SEC22A: variants seen among roughly 807,000 people sequenced by gnomAD.
SEC22A encodes vesicle-trafficking protein SEC22a.
A neutral mutation model predicts 35.3 loss-of-function variants in SEC22A; 22 were observed. That is an observed-to-expected ratio of 0.62 (90% confidence interval 0.45 to 0.89). The LOEUF is 0.89. Among genes scored for constraint, SEC22A ranks in the 40% least tolerant of loss-of-function variants. The probability of loss-of-function intolerance (pLI) is 0.00; values close to 1 mark genes in which losing one functional copy is unlikely to be tolerated. For missense variants in SEC22A, 354 were observed against 362.5 expected (o/e 0.98, Z 0.19); for synonymous variants, 119 against 129.5 (o/e 0.92, Z 0.55).
At chr3:123,203,209 G>A (rs73856875) in intron 1 of SEC22A, among the ~76,000 whole-genome samples, 2,037 of 151,544 alleles carry the variant, frequency 0.013, 51 homozygotes, top group African/African-American at 0.046. Context: ...AATTGGGCCT[G>A]AGTTTAAATC....
chr3:123,202,564 A>ATG (rs1936767753), intron 1 of SEC22A, among the ~76,000 whole-genome samples: 1 of 152,234 alleles, frequency 6.6e-6, no homozygotes, highest in Non-Finnish European at 1.5e-5. Flanking sequence ...TTTGGGAACG[A>ATG]TGTGGCAGAA....
chr3:123,220,166 T>A (rs1432317702), intron 2 of SEC22A, among the ~76,000 whole-genome samples: 1 of 152,192 alleles, frequency 6.6e-6, no homozygotes, highest in Non-Finnish European at 1.5e-5. Context: ...GTCATGTAGG[T>A]GTCTGTGGCT....
chr3:123,264,548 C>T (rs1937977875), intron 6 of SEC22A, among the ~76,000 whole-genome samples: 1 of 151,472 alleles, frequency 6.6e-6, no homozygotes, highest in Non-Finnish European at 1.5e-5. Flanking sequence ...CGTTGTTTAA[C>T]ATCATTAGCT....
chr3:123,205,416 C>T (rs895608607), intron 1 of SEC22A, among the ~76,000 whole-genome samples: 7 of 152,130 alleles, frequency 4.6e-5, no homozygotes, highest in African/African-American at 1.7e-4. Context: ...AGGCTGGGCG[C>T]AGTGGCTCAC....
chr3:123,226,445 G>C (rs1374975872), intron 4 of SEC22A, among the ~76,000 whole-genome samples: 1 of 152,064 alleles, frequency 6.6e-6, no homozygotes, highest in African/African-American at 2.4e-5. Context: ...TCTGATGATC[G>C]GTGATGTTGA....
intron 6 of SEC22A, 149 bp from the exon 7 acceptor site, chr3:123,271,373 A>G (rs1305901415): frequency 1.6e-6 from 1 of 631,176 alleles, no homozygotes; most frequent in Non-Finnish European, 2.7e-6. Flanking sequence ...TGAATGTCTT[A>G]GATATATGCT....
chr3:123,235,020 CAAA>C (rs535445052), intron 4 of SEC22A, among the ~76,000 whole-genome samples: 19 of 121,614 alleles, frequency 1.6e-4, no homozygotes, highest in East Asian at 2.5e-4. Flanking sequence ...GACCTTGTCT[CAAA>C]AAAAAAAAAA....
intron 2 of SEC22A, among the ~76,000 whole-genome samples, chr3:123,220,866 TCA>T (rs1937107645): frequency 2.8e-5 from 2 of 71,738 alleles, no homozygotes; most frequent in Admixed American, 2.3e-4. Context: ...AAAAAAGGTC[TCA>T]TATATATATA....
At chr3:123,224,470 A>G (rs1937185303) in intron 3 of SEC22A, among the ~76,000 whole-genome samples, 1 of 152,218 alleles carries the variant, frequency 6.6e-6, no homozygotes, top group Admixed American at 6.5e-5. Flanking sequence ...GACAGATTTA[A>G]TATTTCATGA....
chr3:123,227,564 C>T (rs539405597), intron 4 of SEC22A, among the ~76,000 whole-genome samples: 2 of 152,110 alleles, frequency 1.3e-5, no homozygotes, highest in East Asian at 1.9e-4. Flanking sequence ...ATGTAACAAA[C>T]CTGCACGTTT....
intron 5 of SEC22A, among the ~76,000 whole-genome samples, chr3:123,250,997 ATATT>A (rs1468873201): frequency 2.6e-5 from 4 of 152,192 alleles, no homozygotes; most frequent in Admixed American, 6.5e-5. Flanking sequence ...CTCATTTTAA[ATATT>A]TATTAGCACC....
intron 1 of SEC22A, among the ~76,000 whole-genome samples, chr3:123,207,039 G>A (rs1393489773): frequency 6.6e-6 from 1 of 152,202 alleles, no homozygotes; most frequent in East Asian, 1.9e-4. Flanking sequence ...AGTGAACTGA[G>A]ATCGCACCAC....
chr3:123,248,079 A>G (rs1019620952), intron 5 of SEC22A, among the ~76,000 whole-genome samples: 5 of 152,220 alleles, frequency 3.3e-5, no homozygotes, highest in African/African-American at 4.8e-5. Context: ...AAGAACATCT[A>G]TTGAAAGAAC....
At chr3:123,265,945 A>T (rs1938014377) in intron 6 of SEC22A, among the ~76,000 whole-genome samples, 2 of 152,210 alleles carry the variant, frequency 1.3e-5, no homozygotes, top group South Asian at 4.1e-4. Context: ...CGATTACTGT[A>T]GCCGTATAAT....
At chr3:123,215,247 A>C (rs1247307125) in intron 2 of SEC22A, among the ~76,000 whole-genome samples, 1 of 152,218 alleles carries the variant, frequency 6.6e-6, no homozygotes, top group African/African-American at 2.4e-5. Context: ...CTGGCTTCAC[A>C]GATGTTATCA....
At chr3:123,231,084 AATG>A (rs1937317779) in intron 4 of SEC22A, among the ~76,000 whole-genome samples, 1 of 152,224 alleles carries the variant, frequency 6.6e-6, no homozygotes, top group Admixed American at 6.5e-5. Flanking sequence ...GACATTTTAT[AATG>A]ATAAAAGGGT....
At chr3:123,225,015 C>A in intron 3 of SEC22A, 88 bp from the exon 4 acceptor site, 1 of 810,924 alleles carries the variant, frequency 1.2e-6, no homozygotes, top group Admixed American at 2.4e-5. Flanking sequence ...AATAAACTAC[C>A]TGTAATATTT....
At chr3:123,269,215 G>GTGTATA (rs10642998) in intron 6 of SEC22A, among the ~76,000 whole-genome samples, 146 of 136,876 alleles carry the variant, frequency 1.1e-3, no homozygotes, top group African/African-American at 2.0e-3. Context: ...GTGTGTGTGT[G>GTGTATA]TATATATTAC....
intron 2 of SEC22A, among the ~76,000 whole-genome samples, chr3:123,212,743 A>T (rs112231232): frequency 0.021 from 3,233 of 152,174 alleles, 112 homozygotes; most frequent in African/African-American, 0.074. Flanking sequence ...TCAAGGGGCC[A>T]AGTAAGGGAG....
Sources: allele counts gnomAD v4.1 joint callset (sites outside exome capture counted in the v4.1 genomes callset), GRCh38; gene constraint gnomAD v4.1.1; transcripts MANE v1.5; gene names NCBI Gene and HGNC (gene_info 2026-07-23, HGNC 2026-07-21).